Variants in PRORP observed in about 807,000 individuals in gnomAD.
PRORP encodes the protein mitochondrial ribonuclease P catalytic subunit.
PRORP carries 51 observed loss-of-function variants against 59.4 expected under a neutral mutation model. The ratio of observed to expected loss-of-function variants is 0.86; its 90% CI spans 0.69 to 1.08. PRORP has a LOEUF of 1.08. Among genes scored for constraint, PRORP ranks in the 50% least tolerant of loss-of-function variants. The pLI, the probability that PRORP is intolerant of heterozygous loss-of-function variation, is 0.00. For missense variants in PRORP, 646 were observed against 690.3 expected, an observed-to-expected ratio of 0.94 and a Z score of 0.72; for synonymous variants, 231 against 245.6, an observed-to-expected ratio of 0.94 and a Z score of 0.55.
chr14:35,166,169 A>G (rs1435178389), intron 4 of PRORP, among the ~76,000 whole-genome samples: 1 of 152,100 alleles, frequency 6.6e-6, no homozygotes, highest in East Asian at 1.9e-4. Flanking sequence ...TTCTGCACTG[A>G]AGTAGAATTT....
At chr14:35,193,775 A>G (rs769653211) in intron 5 of PRORP, among the ~76,000 whole-genome samples, 16 of 152,084 alleles carry the variant, frequency 1.1e-4, no homozygotes, top group Non-Finnish European at 2.1e-4. Flanking sequence ...TTAAATATTG[A>G]AGTAGAATTT....
chr14:35,268,565 T>A (rs1239124191), intron 6 of PRORP, among the ~76,000 whole-genome samples: 1 of 152,170 alleles, frequency 6.6e-6, no homozygotes, highest in African/African-American at 2.4e-5. Context: ...ATAGTCTGAA[T>A]GTGATAACTT....
intron 5 of PRORP, among the ~76,000 whole-genome samples, chr14:35,232,975 C>T (rs893981515): frequency 3.9e-5 from 6 of 152,170 alleles, no homozygotes; most frequent in Non-Finnish European, 1.5e-5. Flanking sequence ...GCCCAGCCCT[C>T]CTTCCTCTTT....
chr14:35,214,516 A>G (rs991671684), intron 5 of PRORP, among the ~76,000 whole-genome samples: 1 of 152,216 alleles, frequency 6.6e-6, no homozygotes, highest in Non-Finnish European at 1.5e-5. Flanking sequence ...TAAGTTATCT[A>G]TTACTCTGAC....
chr14:35,210,989 T>C (rs1447311316), intron 5 of PRORP, among the ~76,000 whole-genome samples: 1 of 151,842 alleles, frequency 6.6e-6, no homozygotes, highest in African/African-American at 2.4e-5. Flanking sequence ...CCCAGGCTGG[T>C]CTTAAACTGC....
chr14:35,224,607 A>G (rs997203768), intron 5 of PRORP, among the ~76,000 whole-genome samples: 5 of 152,176 alleles, frequency 3.3e-5, no homozygotes, highest in Non-Finnish European at 5.9e-5. Context: ...TCTCCAATAT[A>G]TTTTCTTCCT....
intron 4 of PRORP, among the ~76,000 whole-genome samples, chr14:35,138,569 A>G (rs768950651): frequency 6.9e-6 from 1 of 145,262 alleles, no homozygotes; most frequent in Non-Finnish European, 1.5e-5. Flanking sequence ...TTATTAAATT[A>G]TTAAATCTAC....
intron 5 of PRORP, among the ~76,000 whole-genome samples, chr14:35,223,069 C>CT (rs1241408542): frequency 2.0e-5 from 3 of 152,196 alleles, no homozygotes; most frequent in Non-Finnish European, 4.4e-5. Context: ...CCGAAGCTAA[C>CT]TAGCATACTG....
At chr14:35,189,884 G>A (rs561757465) in intron 5 of PRORP, among the ~76,000 whole-genome samples, 1 of 152,202 alleles carries the variant, frequency 6.6e-6, no homozygotes, top group South Asian at 2.1e-4. Context: ...GCTGTGGCGG[G>A]TGGATCAAGA....
intron 4 of PRORP, among the ~76,000 whole-genome samples, chr14:35,173,484 T>C (rs1388288163): frequency 1.3e-5 from 2 of 152,172 alleles, no homozygotes; most frequent in Non-Finnish European, 2.9e-5. Flanking sequence ...CATGTGCAGA[T>C]CATGTTTTAC....
intron 5 of PRORP, among the ~76,000 whole-genome samples, chr14:35,255,974 T>C (rs2050740767): frequency 6.6e-6 from 1 of 152,040 alleles, no homozygotes; most frequent in African/African-American, 2.4e-5. Flanking sequence ...TTATATTAAA[T>C]ATATTTTACA....
intron 5 of PRORP, among the ~76,000 whole-genome samples, chr14:35,252,310 C>T (rs1378691718): frequency 6.6e-6 from 1 of 152,104 alleles, no homozygotes; most frequent in Non-Finnish European, 1.5e-5. Flanking sequence ...GTGGTCCCAG[C>T]TACTCAGGAG....
intron 3 of PRORP, 23 bp downstream of exon 3, chr14:35,126,805 A>G (rs769830610): frequency 6.3e-7 from 1 of 1,587,928 alleles, no homozygotes; most frequent in Non-Finnish European, 8.6e-7. Context: ...GTTTATTTTT[A>G]ACTTGTTTGA....
chr14:35,131,254 T>C (rs1398846560), intron 4 of PRORP, among the ~76,000 whole-genome samples: 1 of 152,190 alleles, frequency 6.6e-6, no homozygotes, highest in Non-Finnish European at 1.5e-5. Flanking sequence ...TCCTTTTCTT[T>C]CTGATTGAAG....
chr14:35,184,812 A>G (rs546652459), intron 5 of PRORP, among the ~76,000 whole-genome samples: 245 of 152,280 alleles, frequency 1.6e-3, no homozygotes, highest in Non-Finnish European at 2.4e-3. Context: ...GCTAACGATA[A>G]TAGCCTCCAT....
intron 4 of PRORP, among the ~76,000 whole-genome samples, chr14:35,172,453 C>CTTTCTTTCTT: frequency 2.1e-5 from 1 of 46,762 alleles, no homozygotes; most frequent in South Asian, 7.9e-4. Flanking sequence ...TCCTTCCTTC[C>CTTTCTTTCTT]TTCTTTCTTT....
At chr14:35,240,612 A>G (rs1435624436) in intron 5 of PRORP, among the ~76,000 whole-genome samples, 2 of 152,134 alleles carry the variant, frequency 1.3e-5, no homozygotes, top group Non-Finnish European at 2.9e-5. Flanking sequence ...ATTCTACAAC[A>G]TATCAGAAGT....
intron 5 of PRORP, among the ~76,000 whole-genome samples, chr14:35,218,135 C>G (rs1050466382): frequency 6.6e-6 from 1 of 151,878 alleles, no homozygotes; most frequent in African/African-American, 2.4e-5. Context: ...CCAGGAAATC[C>G]CTGACACCCT....
At chr14:35,243,533 C>CT (rs2050413631) in intron 5 of PRORP, among the ~76,000 whole-genome samples, 1 of 126,168 alleles carries the variant, frequency 7.9e-6, no homozygotes, top group Admixed American at 7.7e-5. Flanking sequence ...GAGACCATGT[C>CT]TAAAAAAAAA....
Sources: allele counts gnomAD v4.1 joint callset (sites outside exome capture counted in the v4.1 genomes callset), GRCh38; gene constraint gnomAD v4.1.1; transcripts MANE v1.5; gene names NCBI Gene and HGNC (gene_info 2026-07-23, HGNC 2026-07-21).